GADL1: variants seen among roughly 807,000 people sequenced by gnomAD.
The protein encoded by GADL1 is acidic amino acid decarboxylase GADL1.
In GADL1, 71 loss-of-function variants were observed where a neutral mutation model predicts 69.5. That is an observed-to-expected ratio of 1.02 (90% confidence interval 0.84 to 1.25). The LOEUF (loss-of-function observed/expected upper bound fraction) is 1.25. Among genes scored for constraint, GADL1 ranks in the 50% most tolerant of loss-of-function variants. The pLI, the probability that GADL1 is intolerant of heterozygous loss-of-function variation, is 0.00. For synonymous variants in GADL1, 254 were observed against 214.4 expected (o/e 1.18, Z -1.62); for missense variants, 737 against 631.8 (o/e 1.17, Z -1.79).
chr3:30,853,925 C>A (rs1010888006), intron 4 of GADL1, among the ~76,000 whole-genome samples: 2 of 152,014 alleles, frequency 1.3e-5, no homozygotes, highest in African/African-American at 4.8e-5. Flanking sequence ...ACTTAGAAAC[C>A]TTCAATGGCT....
At chr3:30,815,750 T>C (rs1697456690) in intron 11 of GADL1, among the ~76,000 whole-genome samples, 2 of 152,230 alleles carry the variant, frequency 1.3e-5, no homozygotes, top group African/African-American at 4.8e-5. Flanking sequence ...TTTATCTTTC[T>C]AAATCAATGT....
intron 14 of GADL1, among the ~76,000 whole-genome samples, chr3:30,772,608 G>C (rs1428816007): frequency 2.6e-5 from 4 of 152,148 alleles, no homozygotes; most frequent in African/African-American, 9.7e-5. Flanking sequence ...TGGGTGCGGT[G>C]GCTCATGTCT....
chr3:30,759,048 AAG>A (rs1422200343), intron 14 of GADL1, among the ~76,000 whole-genome samples: 1 of 149,434 alleles, frequency 6.7e-6, no homozygotes, highest in Non-Finnish European at 1.5e-5. Flanking sequence ...TAGGTGGGAG[AAG>A]AGTCATAATG....
chr3:30,824,195 C>T (rs181959042), intron 11 of GADL1, among the ~76,000 whole-genome samples: 192 of 150,362 alleles, frequency 1.3e-3, no homozygotes, highest in African/African-American at 4.3e-3. Context: ...TTAAAAGAAG[C>T]CAGAGGAAAA....
chr3:30,863,105 G>A lies in GADL1; in HGVS notation c.38-1340C>T, dbSNP rs189660352. Among the ~76,000 whole-genome samples the A allele has an allele frequency of 1.4e-4, 21 of 151,392 alleles. No homozygotes were observed. In the East Asian group the frequency reaches 3.9e-3, roughly 28 times the overall value. On this transcript the variant is annotated intron_variant, in intron 1 of 14. Transcript: ENST00000282538. ...CTCTCTCTCTCTCGTAATTTGTCAG[G>A]GATACCATATTTTCCCTTTTAACAA...
chr3:30,834,473 G>A (rs1472969537), intron 9 of GADL1, among the ~76,000 whole-genome samples, 192 bp from the exon 10 acceptor site: 1 of 152,016 alleles, frequency 6.6e-6, no homozygotes, highest in Non-Finnish European at 1.5e-5. Flanking sequence ...CATCACAATA[G>A]ATGGGCCCTC....
chr3:30,751,121 A>G (rs990051323), intron 14 of GADL1, among the ~76,000 whole-genome samples: 9 of 149,994 alleles, frequency 6.0e-5, no homozygotes, highest in African/African-American at 2.3e-4. Flanking sequence ...AAGATTGGGC[A>G]GCTTACGGGC....
intron 14 of GADL1, among the ~76,000 whole-genome samples, chr3:30,739,746 T>C (rs1241196285): frequency 1.3e-5 from 2 of 152,168 alleles, no homozygotes; most frequent in Non-Finnish European, 1.5e-5. Flanking sequence ...AAAGCTACCA[T>C]GAGGATACTT....
intron 1 of GADL1, among the ~76,000 whole-genome samples, chr3:30,892,785 GTC>G (rs1444615319): frequency 6.6e-6 from 1 of 152,144 alleles, no homozygotes; most frequent in Non-Finnish European, 1.5e-5. Context: ...ACATAAAGAA[GTC>G]TCCTGTATTA....
chr3:30,823,131 G>C (rs1559352690), intron 11 of GADL1, among the ~76,000 whole-genome samples: 1 of 151,966 alleles, frequency 6.6e-6, no homozygotes, highest in Non-Finnish European at 1.5e-5. Context: ...CCACAAGACA[G>C]GGATATAAAC....
chr3:30,875,229 G>T (rs1212311612), intron 1 of GADL1, among the ~76,000 whole-genome samples: 1 of 146,088 alleles, frequency 6.8e-6, no homozygotes, highest in South Asian at 2.2e-4. Flanking sequence ...AAAAAAAAAA[G>T]CTCACCTCTT....
intron 6 of GADL1, among the ~76,000 whole-genome samples, chr3:30,845,556 G>A (rs752352357): frequency 1.3e-5 from 2 of 151,900 alleles, no homozygotes; most frequent in Non-Finnish European, 2.9e-5. Flanking sequence ...TTTTAACTCT[G>A]TAAAAATAAA....
intron 11 of GADL1, among the ~76,000 whole-genome samples, chr3:30,814,722 CAG>C (rs2125514440): frequency 6.6e-6 from 1 of 152,008 alleles, no homozygotes; most frequent in Non-Finnish European, 1.5e-5. Context: ...GCTGCAAAAC[CAG>C]AGACATTATT....
At chr3:30,808,004 C>T (rs890226354) in intron 11 of GADL1, among the ~76,000 whole-genome samples, 14 of 152,086 alleles carry the variant, frequency 9.2e-5, no homozygotes, top group African/African-American at 3.4e-4. Context: ...TGCACTCCAG[C>T]CTGGGCAACA....
chr3:30,802,775 C>T (rs946535610), intron 11 of GADL1, among the ~76,000 whole-genome samples: 28 of 152,014 alleles, frequency 1.8e-4, no homozygotes, highest in African/African-American at 6.3e-4. Flanking sequence ...TACAATATGC[C>T]CCTCATCCAG....
At chr3:30,762,653 A>AG (rs1472211616) in intron 14 of GADL1, among the ~76,000 whole-genome samples, 2 of 152,184 alleles carry the variant, frequency 1.3e-5, no homozygotes, top group African/African-American at 4.8e-5. Flanking sequence ...TTATTTAAAA[A>AG]TGTAGTTATT....
chr3:30,890,040 T>G (rs766981690), intron 1 of GADL1, among the ~76,000 whole-genome samples: 15 of 152,348 alleles, frequency 9.8e-5, no homozygotes, highest in Non-Finnish European at 2.2e-4. Context: ...TTCTATACTC[T>G]ACCATAATTT....
At chr3:30,884,614 T>A (rs956671824) in intron 1 of GADL1, among the ~76,000 whole-genome samples, 1 of 152,060 alleles carries the variant, frequency 6.6e-6, no homozygotes, top group Non-Finnish European at 1.5e-5. Flanking sequence ...GCAGAAAGAA[T>A]CTTTGATACC....
At chr3:30,807,101 T>C (rs1185995681) in intron 11 of GADL1, among the ~76,000 whole-genome samples, 1 of 152,210 alleles carries the variant, frequency 6.6e-6, no homozygotes, top group East Asian at 1.9e-4. Context: ...ACATAAGTAT[T>C]ATGAAAATCA....
Sources: gnomAD v4.1 joint callset for allele counts (sites outside exome capture counted in the v4.1 genomes callset) on GRCh38, gnomAD v4.1.1 for gene constraint, MANE v1.5 for transcripts, NCBI Gene and HGNC (gene_info 2026-07-23, HGNC 2026-07-21) for gene names.